The following RPRD2 variants were observed in gnomAD, a reference collection of about 807,000 sequenced individuals.
RPRD2 encodes the protein regulation of nuclear pre-mRNA domain containing 2.
RPRD2 carries 12 observed loss-of-function variants against 104.4 expected under a neutral mutation model. The observed-to-expected ratio is 0.11, with a 90% CI of 0.07 to 0.19. The LOEUF is 0.19. RPRD2 is among the 10% of genes least tolerant of loss of function. RPRD2 has a pLI of 1.00. For synonymous variants in RPRD2, 714 were observed against 684.9 expected (o/e 1.04, Z -0.66); for missense variants, 1,543 against 1,790.1 (o/e 0.86, Z 2.49).
At chr1:150,432,419 A>G (rs151047888) in intron 2 of RPRD2, among the ~76,000 whole-genome samples, 9 of 152,184 alleles carry the variant, frequency 5.9e-5, no homozygotes, top group Admixed American at 3.9e-4. Flanking sequence ...CCCGAAATTC[A>G]TATGTTGAAA....
At chr1:150,467,833 C>T (rs1668377882) in intron 10 of RPRD2, among the ~76,000 whole-genome samples, 2 of 152,096 alleles carry the variant, frequency 1.3e-5, no homozygotes, top group Non-Finnish European at 2.9e-5. Flanking sequence ...CTGATTGTGT[C>T]ATCCACAGCC....
At chr1:150,465,154 CT>C (rs782304883) in intron 10 of RPRD2, among the ~76,000 whole-genome samples, 2 of 151,402 alleles carry the variant, frequency 1.3e-5, no homozygotes, top group Non-Finnish European at 1.5e-5. Flanking sequence ...GGTCATTATC[CT>C]TTTTTTTATT....
chr1:150,470,592 G>T lies in RPRD2; in HGVS notation c.1644G>T (p.Gly548=), dbSNP rs1668523740. 6.2e-7 allele frequency: 1 copy of T among 1,613,660 alleles called. No individual in the cohort carries two copies. The highest frequency in any genetic ancestry group is 1.7e-5 in the Admixed American group (1 of 59,972). The change falls in exon 11 of 11, where the codon GGG becomes GGT. Residue 548 remains glycine (G), a synonymous_variant. Coordinates refer to ENST00000369068, the MANE Select transcript of RPRD2 (RefSeq NM_015203.5). Reference sequence around the variant, plus strand: ...CATCTTTACTTCAGAGTGTTACTGGGAACCCAGTTCCAGCCAGTGAAGCTG... The same window carrying T: ...CATCTTTACTTCAGAGTGTTACTGGTAACCCAGTTCCAGCCAGTGAAGCTG... The part of the protein sequence containing the change: ...GLSSLLQSVT[G]NPVPASEAAS...
intron 7 of RPRD2, among the ~76,000 whole-genome samples, chr1:150,449,344 T>C (rs1453509602): frequency 1.3e-5 from 2 of 152,218 alleles, no homozygotes; most frequent in African/African-American, 2.4e-5. Context: ...TGTTTTGATC[T>C]AGTCTGAAAA....
In RPRD2 at chr1:150,440,994, A is replaced by G; in HGVS notation, c.407A>G (p.Glu136Gly). Residue 136 changes from glutamate to glycine, a missense_variant, in exon 3 of 11, where the codon GAA becomes GGA. Glu to Gly is a moderately conservative substitution (Grantham distance 98). Coordinates refer to ENST00000369068, the MANE Select transcript of RPRD2 (RefSeq NM_015203.5). The part of the protein sequence containing the change: ...IWEDRNVYPE[E>G]MIVALREALS... ...GAAGATAGAAATGTATACCCAGAAGAAATGATTGTGGCATTGAGAGAAGCT... is the reference window on the plus strand; with the variant it reads ...GAAGATAGAAATGTATACCCAGAAGGAATGATTGTGGCATTGAGAGAAGCT... 1 of 1,576,996 alleles carries G rather than the reference A, an allele frequency of 6.3e-7. No individual in the cohort carries two copies. The highest frequency in any genetic ancestry group is 8.6e-7 in the Non-Finnish European group (1 of 1,159,356).
rs1666616599 is a variant in RPRD2 at position 150,444,370 on chromosome 1, C to T, written c.687C>T (p.Cys229=). 1.9e-6 allele frequency: 3 copies of T among 1,611,958 alleles called. No individual in the cohort carries two copies. The highest frequency in any genetic ancestry group is 2.5e-6 in the Non-Finnish European group (3 of 1,179,308). Residue 229 remains cysteine, a synonymous_variant, in exon 6 of 11, where the codon TGC becomes TGT. Transcript: ENST00000369068. ...TGTGCAGCACAGAAACTCTCAAATG[C>T]TTAAAAGGTAATGCTTACATCCTTT... The part of the protein sequence containing the change: ...VDVCSTETLK[C]LKDKTGGKKF...
chr1:150,416,073 C>T (rs909036227), intron 1 of RPRD2, among the ~76,000 whole-genome samples: 1 of 151,968 alleles, frequency 6.6e-6, no homozygotes, highest in African/African-American at 2.4e-5. Context: ...ACTTTTAATT[C>T]GTATGATTTA....
At chr1:150,398,206 A>ATTTTATTTTG (rs1187194947) in intron 1 of RPRD2, among the ~76,000 whole-genome samples, 1 of 129,784 alleles carries the variant, frequency 7.7e-6, no homozygotes, top group Non-Finnish European at 1.6e-5. Context: ...ATTTTATTTT[A>ATTTTATTTTG]TTTTTTTTGA....
At chr1:150,446,833 C>CTTT (rs782290005) in intron 7 of RPRD2, among the ~76,000 whole-genome samples, 2,440 of 127,454 alleles carry the variant, frequency 0.019, 122 homozygotes, top group African/African-American at 0.068. Flanking sequence ...AGACCTGGGT[C>CTTT]TTTTTTTTTT....
At chr1:150,396,519 TAATTTATTTTG>T (rs1553884245) in intron 1 of RPRD2, among the ~76,000 whole-genome samples, 1 of 152,200 alleles carries the variant, frequency 6.6e-6, no homozygotes. Context: ...CATGTTGAGT[TAATTTATTTTG>T]TTTAAGGTAA....
chr1:150,426,034 A>G (rs11205371), intron 2 of RPRD2, among the ~76,000 whole-genome samples: 91,066 of 151,854 alleles, frequency 0.6, 27,825 homozygotes, highest in African/African-American at 0.65. Context: ...CTGAGTGGTG[A>G]AGGCTACAGT....
At chr1:150,381,293 G>A (rs782379233) in intron 1 of RPRD2, among the ~76,000 whole-genome samples, 27 of 151,058 alleles carry the variant, frequency 1.8e-4, no homozygotes, top group Admixed American at 4.6e-4. Flanking sequence ...ATGGTGGCGC[G>A]TACCTGCAGT....
chr1:150,439,233 A>G (rs1666241283), intron 2 of RPRD2, among the ~76,000 whole-genome samples: 2 of 152,220 alleles, frequency 1.3e-5, no homozygotes, highest in African/African-American at 4.8e-5. Flanking sequence ...TTTCAGCATT[A>G]CTATCTTACA....
At chr1:150,423,132 G>A (rs1444235301) in intron 2 of RPRD2, among the ~76,000 whole-genome samples, 1 of 152,122 alleles carries the variant, frequency 6.6e-6, no homozygotes, top group Non-Finnish European at 1.5e-5. Context: ...TGTCCTAGAG[G>A]TCCTAGCTAA....
At chr1:150,451,321 G>A (rs1022682082) in intron 7 of RPRD2, among the ~76,000 whole-genome samples, 10 of 152,080 alleles carry the variant, frequency 6.6e-5, no homozygotes, top group African/African-American at 2.4e-4. Context: ...TCTGATTAAT[G>A]TGGCATCTTC....
intron 2 of RPRD2, among the ~76,000 whole-genome samples, chr1:150,436,576 G>A (rs1319734696): frequency 6.6e-6 from 1 of 151,170 alleles, no homozygotes; most frequent in Non-Finnish European, 1.5e-5. Context: ...TCCAGCCTGG[G>A]CAACAGAGCA....
intron 4 of RPRD2, among the ~76,000 whole-genome samples, chr1:150,442,482 CA>C (rs1666470162): frequency 6.6e-6 from 1 of 152,058 alleles, no homozygotes; most frequent in South Asian, 2.1e-4. Flanking sequence ...AGCATGAGAT[CA>C]AGGGAATGGA....
chr1:150,388,491 A>ATACACG (rs1388066523), intron 1 of RPRD2, among the ~76,000 whole-genome samples: 2 of 81,758 alleles, frequency 2.4e-5, no homozygotes, highest in African/African-American at 4.4e-5. Context: ...ATATATATAT[A>ATACACG]CCCGCGCACA....
chr1:150,437,072 A>G (rs1553893314), intron 2 of RPRD2, among the ~76,000 whole-genome samples: 1 of 152,194 alleles, frequency 6.6e-6, no homozygotes, highest in Non-Finnish European at 1.5e-5. Flanking sequence ...GACATTTTGT[A>G]AGGCTATAGT....
Sources: gnomAD v4.1 joint callset for allele counts (sites outside exome capture counted in the v4.1 genomes callset) on GRCh38, gnomAD v4.1.1 for gene constraint, MANE v1.5 for transcripts, NCBI Gene and HGNC (gene_info 2026-07-23, HGNC 2026-07-21) for gene names.